COL26A1: variants seen among roughly 807,000 people sequenced by gnomAD.
COL26A1 encodes collagen type XXVI alpha 1 chain, also known as collagen alpha-1(XXVI) chain.
A neutral mutation model predicts 59.3 loss-of-function variants in COL26A1; 41 were observed. The ratio of observed to expected loss-of-function variants is 0.69; its 90% CI spans 0.54 to 0.90. The LOEUF (loss-of-function observed/expected upper bound fraction) is 0.90. COL26A1 is among the 40% of genes least tolerant of loss of function. The pLI, the probability that COL26A1 is intolerant of heterozygous loss-of-function variation, is 0.00. For missense variants in COL26A1, 612 were observed against 602.3 expected, an observed-to-expected ratio of 1.02 and a Z score of -0.17; for synonymous variants, 266 against 256.0, an observed-to-expected ratio of 1.04 and a Z score of -0.37.
intron 12 of COL26A1, among the ~76,000 whole-genome samples, chr7:101,556,584 T>C (rs1402884019): frequency 1.3e-5 from 2 of 152,030 alleles, no homozygotes; most frequent in African/African-American, 4.8e-5. Flanking sequence ...AATGGGTGGA[T>C]GGATAGATGG....
chr7:101,414,432 TTGTGTGTG>T (rs34282686), intron 1 of COL26A1, among the ~76,000 whole-genome samples: 32 of 146,272 alleles, frequency 2.2e-4, no homozygotes, highest in African/African-American at 7.6e-4. Context: ...CACTCTGTGT[TTGTGTGTG>T]TGTGTGTGTG....
chr7:101,386,424 A>G (rs991523698), intron 1 of COL26A1, among the ~76,000 whole-genome samples: 6 of 151,354 alleles, frequency 4.0e-5, no homozygotes, highest in African/African-American at 1.2e-4. Flanking sequence ...GCTAATTTTA[A>G]TCTTTATTTT....
rs1793769362 is a variant in COL26A1 at position 101,466,796 on chromosome 7, G to GT, written c.385+19010dup. 1.1e-3 allele frequency among the ~76,000 whole-genome samples: 9 copies of GT among 7,864 alleles called. No individual in the cohort carries two copies. In the Admixed American group the frequency reaches 0.015, roughly 13 times the overall value. 5.2% of individuals were successfully genotyped at this position (7,864 alleles called of 152,430 possible). ...AATGCTAAGACCCCGGCATGTTCTG[G>GT]TGTGTGTGTGTGTGTGTGTGTGTGT... On this transcript the variant is annotated intron_variant, in intron 3 of 12. Transcript: ENST00000313669.
chr7:101,552,683 G>A (rs1490004080), intron 10 of COL26A1, among the ~76,000 whole-genome samples: 2 of 152,192 alleles, frequency 1.3e-5, no homozygotes, highest in Non-Finnish European at 2.9e-5. Context: ...AAGGCAGGCA[G>A]ATCACCTGAA....
At position 101,387,770 on chromosome 7, in the gene COL26A1, A is replaced by ATTTTTTTTTTTTTTT. The variant is rs1304839639; in HGVS notation, c.158+24581_158+24582insTTTTTTTTTTTTTTT. Among the ~76,000 whole-genome samples the ATTTTTTTTTTTTTTT allele has an allele frequency of 1.1e-3, 40 of 36,528 alleles. 1 individual carries two copies. The highest frequency in any genetic ancestry group is 2.0e-3 in the Non-Finnish European group (33 of 16,480). 24.0% of individuals were successfully genotyped at this position (36,528 alleles called of 152,430 possible). A position where few individuals can be genotyped will look rare whatever the true frequency, so the allele number is the denominator to read the frequency against. On this transcript the variant is annotated intron_variant, in intron 1 of 12. Coordinates refer to ENST00000313669, the MANE Select transcript of COL26A1 (RefSeq NM_001278563.3). ...TATATATATTTATATATATATATAT[A>ATTTTTTTTTTTTTTT]TATATATATTTTTTTTTAAGACAGA...
chr7:101,481,465 T>C lies in COL26A1; in HGVS notation c.385+33678T>C, dbSNP rs560161848. Among the ~76,000 whole-genome samples the C allele has an allele frequency of 6.0e-3, 892 of 149,408 alleles. 7 individuals are homozygous for C. The highest frequency in any genetic ancestry group is 8.1e-3 in the Non-Finnish European group (544 of 67,510). On this transcript the variant is annotated intron_variant, in intron 3 of 12. Transcript: ENST00000313669. Reference sequence around the variant, plus strand: ...CTCCCAAAATATATATATATATATATATAATTGAAACAGGGACTCACTGTC... The same window carrying C: ...CTCCCAAAATATATATATATATATACATAATTGAAACAGGGACTCACTGTC...
At chr7:101,489,681 CT>C (rs1156626282) in intron 3 of COL26A1, among the ~76,000 whole-genome samples, 2 of 24,118 alleles carry the variant, frequency 8.3e-5, no homozygotes, top group African/African-American at 5.6e-4. Context: ...TCCTTCCTTC[CT>C]TTCTTTCTTT....
intron 2 of COL26A1, among the ~76,000 whole-genome samples, chr7:101,424,710 G>A (rs181034841): frequency 2.0e-5 from 3 of 152,236 alleles, no homozygotes; most frequent in Non-Finnish European, 4.4e-5. Flanking sequence ...GTGGCCTTGG[G>A]GCTGCTGTCT....
chr7:101,438,660 T>A (rs1792974136), intron 2 of COL26A1, among the ~76,000 whole-genome samples: 1 of 151,184 alleles, frequency 6.6e-6, no homozygotes, highest in Admixed American at 6.6e-5. Flanking sequence ...CCCCCTTAAG[T>A]TCCCCTTTCT....
intron 3 of COL26A1, among the ~76,000 whole-genome samples, chr7:101,484,734 C>T (rs558753842): frequency 1.2e-3 from 189 of 151,992 alleles, no homozygotes; most frequent in Middle Eastern, 0.01. Context: ...GGCACAGTCT[C>T]GGCTCACTAC....
chr7:101,557,339 C>T (rs1346821734), intron 12 of COL26A1, 31 bp from the exon 13 acceptor site: 1 of 1,596,442 alleles, frequency 6.3e-7, no homozygotes, highest in Non-Finnish European at 8.6e-7. Context: ...TAAGGCTCTA[C>T]CTCGAGTCCA....
intron 3 of COL26A1, among the ~76,000 whole-genome samples, chr7:101,489,235 G>A (rs965878341): frequency 6.6e-6 from 1 of 152,142 alleles, no homozygotes; most frequent in African/African-American, 2.4e-5. Flanking sequence ...GATTGGAGGA[G>A]CTGTGGTTTA....
chr7:101,436,671 A>G (rs1296983184), intron 2 of COL26A1, among the ~76,000 whole-genome samples: 1 of 151,746 alleles, frequency 6.6e-6, no homozygotes, highest in Middle Eastern at 3.2e-3. Flanking sequence ...ACTCACCTCC[A>G]GTGATGGGGA....
chr7:101,364,065 C>T (rs1790981236), intron 1 of COL26A1, among the ~76,000 whole-genome samples: 1 of 152,094 alleles, frequency 6.6e-6, no homozygotes, highest in African/African-American at 2.4e-5. Flanking sequence ...GGTCACCGGG[C>T]CCGGGCGCCG....
intron 3 of COL26A1, among the ~76,000 whole-genome samples, chr7:101,492,585 T>C (rs1794485344): frequency 6.6e-6 from 1 of 151,334 alleles, no homozygotes; most frequent in African/African-American, 2.4e-5. Context: ...TAATCTCAGC[T>C]ACTCAGGAGG....
rs151306149 is a variant in COL26A1, at chr7:101,394,341, T to A, written c.159-25636T>A. 3.9e-5 allele frequency among the ~76,000 whole-genome samples: 6 copies of A among 152,198 alleles called. No homozygotes were observed. In the East Asian group the frequency reaches 1.2e-3, roughly 29 times the overall value. On this transcript the variant is annotated intron_variant, in intron 1 of 12. Transcript: ENST00000313669. Reference sequence around the variant, plus strand: ...CACCTTGGACGTCTCATTTCTAGAATGATAAGATTATAAACGTGTGCTGTT... The same window carrying A: ...CACCTTGGACGTCTCATTTCTAGAAAGATAAGATTATAAACGTGTGCTGTT...
At chr7:101,443,053 G>A (rs1195829706) in intron 2 of COL26A1, among the ~76,000 whole-genome samples, 2 of 152,164 alleles carry the variant, frequency 1.3e-5, no homozygotes, top group African/African-American at 2.4e-5. Flanking sequence ...GTATGTGAAT[G>A]TGTGTGCATG....
chr7:101,441,596 G>A (rs1017502041), intron 2 of COL26A1, among the ~76,000 whole-genome samples: 2 of 152,184 alleles, frequency 1.3e-5, no homozygotes, highest in African/African-American at 4.8e-5. Flanking sequence ...GGGATTACAG[G>A]CGTGAGCCAC....
At chr7:101,538,478 T>C (rs1795530909) in intron 4 of COL26A1, among the ~76,000 whole-genome samples, 1 of 152,210 alleles carries the variant, frequency 6.6e-6, no homozygotes, top group Non-Finnish European at 1.5e-5. Flanking sequence ...AGCCTCTGTC[T>C]CCACCTCATT....
Sources: allele counts gnomAD v4.1 joint callset (sites outside exome capture counted in the v4.1 genomes callset), GRCh38; gene constraint gnomAD v4.1.1; transcripts MANE v1.5; gene names NCBI Gene and HGNC (gene_info 2026-07-23, HGNC 2026-07-21).